Variants in SACS observed in about 807,000 individuals in gnomAD.
The protein encoded by SACS is sacsin molecular chaperone.
Under a neutral mutation model 348.0 loss-of-function variants are expected in SACS, and 197 were observed. That is an observed-to-expected ratio of 0.57 (90% CI 0.50 to 0.64). SACS has a LOEUF of 0.64. Among genes scored for constraint, SACS ranks in the 30% least tolerant of loss-of-function variants. The probability of loss-of-function intolerance (pLI) is 0.00; values close to 1 mark genes in which losing one functional copy is unlikely to be tolerated. For missense variants in SACS, 4,999 were observed against 5,360.8 expected (o/e 0.93, Z 2.11); for synonymous variants, 1,985 against 1,910.6 (o/e 1.04, Z -1.02).
rs1053106390 is a variant in SACS at position 23,378,978 on chromosome 13, G to A, written c.21-3709C>T. Among the ~76,000 whole-genome samples the A allele has an allele frequency of 2.0e-5, 3 of 152,160 alleles. No homozygotes were observed. The South Asian group carries it at 6.2e-4, about 32-fold the overall frequency. On this transcript the variant is annotated intron_variant, in intron 2 of 9. Coordinates refer to ENST00000382292, the MANE Select transcript of SACS (RefSeq NM_014363.6). ...AAAAAATGCCAAAATACACTCTGAT[G>A]CACTTGTTCCTTTTTTCTGTCTTCC...
rs1442864097 is a variant in SACS at position 23,340,185 on chromosome 13, C to T, written c.3691G>A (p.Val1231Ile). Reference protein sequence around the residue: ...LSAVLKHFKIVVDWYSSKTFS... With the variant: ...LSAVLKHFKIIVDWYSSKTFS... The stretch of plus-strand genomic sequence containing the variant: ...GTTTTTGAAGAATACCAATCAACAA[C>T]AATTTTAAAGTGTTTTAAGACAGCA... The change falls in exon 10 of 10, where the codon GTT (valine) becomes ATT (isoleucine). Residue 1231 changes from valine (V) to isoleucine (I), a missense_variant. By Grantham distance (29) the Val-to-Ile change is conservative (BLOSUM62 3). This residue lies in a region of SACS where 3,156 missense variants were observed against 3,380.1 expected (regional missense o/e 0.93). Transcript: ENST00000382292. 6 of 1,612,730 alleles carry T rather than the reference C, an allele frequency of 3.7e-6. 1 individual carries two copies.
chr13:23,354,833 G>A lies in SACS; in HGVS notation c.1779C>T (p.Tyr593=), dbSNP rs1870232312. 4 of 1,614,082 alleles carry A rather than the reference G, an allele frequency of 2.5e-6. No individual in the cohort carries two copies. Among genetic ancestry groups the A allele is most frequent in the Admixed American group, 1.7e-5 (1 of 60,014 alleles). ...CAATCTGCTTCCCTGAGCTCTGGAG[G>A]TAGTTGAGCACAGTTTTTGTGTATT... ...NLEYTKTVLN[Y]LQSSGKQIAK... is the part of the protein sequence containing the mutation. Residue 593 remains tyrosine, a synonymous_variant, in exon 8 of 10, where the codon TAC becomes TAT. Transcript: ENST00000382292.
At chr13:23,413,228 C>CT (rs1481420518) in intron 1 of SACS, among the ~76,000 whole-genome samples, 1 of 152,112 alleles carries the variant, frequency 6.6e-6, no homozygotes, top group African/African-American at 2.4e-5. Context: ...TGCGCCTGCC[C>CT]TAGCCTCCCA....
chr13:23,403,079 G>T (rs537675551), intron 2 of SACS, among the ~76,000 whole-genome samples: 7 of 152,112 alleles, frequency 4.6e-5, no homozygotes, highest in African/African-American at 1.7e-4. Context: ...TCGGGAGGCT[G>T]AGGCAGGAGA....
At position 23,336,899 on chromosome 13, in the gene SACS, G is replaced by C. The variant is rs1178057805; in HGVS notation, c.6977C>G (p.Ala2326Gly). ...TNACYKYLHE[A>G]LMQNEITKMS... ...CTTAGTGATTTCATTTTGCATCAAG[G>C]CTTCATGAAGGTATTTGTAGCAAGC... Residue 2326 changes from alanine (A) to glycine (G), a missense_variant, in exon 10 of 10, where the codon GCC (alanine) becomes GGC (glycine). By Grantham distance (60) the Ala-to-Gly change is moderately conservative. This residue lies in a region of SACS where 3,156 missense variants were observed against 3,380.1 expected (regional missense o/e 0.93). Transcript: ENST00000382292. The C allele has an allele frequency of 1.2e-6, 2 of 1,613,552 alleles. No individual in the cohort carries two copies. Among genetic ancestry groups the C allele is most frequent in the Non-Finnish European group, 1.7e-6 (2 of 1,179,592 alleles).
intron 9 of SACS, chr13:23,346,773 A>T (rs1213111242): frequency 4.3e-5 from 42 of 966,378 alleles, no homozygotes; most frequent in Non-Finnish European, 5.0e-5. Flanking sequence ...GAACAAAAAC[A>T]TCAGGCTTCA....
At chr13:23,395,065 G>A (rs982732909) in intron 2 of SACS, among the ~76,000 whole-genome samples, 1 of 152,176 alleles carries the variant, frequency 6.6e-6, no homozygotes, top group African/African-American at 2.4e-5. Context: ...GTAGAAGCTG[G>A]TTTAGAGGAG....
At chr13:23,388,343 A>AG (rs1242213874) in intron 2 of SACS, among the ~76,000 whole-genome samples, 1 of 149,908 alleles carries the variant, frequency 6.7e-6, no homozygotes, top group Non-Finnish European at 1.5e-5. Flanking sequence ...CAAAAAAAAA[A>AG]AAAAAAGAAA....
intron 1 of SACS, among the ~76,000 whole-genome samples, chr13:23,432,944 A>G (rs1304190653): frequency 2.6e-5 from 4 of 152,232 alleles, no homozygotes; most frequent in Admixed American, 2.6e-4. Context: ...GTTTTAAGGA[A>G]GAAAAAAAGA....
intron 2 of SACS, among the ~76,000 whole-genome samples, chr13:23,382,956 ATTTTT>A (rs67400239): frequency 1.1e-5 from 1 of 93,464 alleles, no homozygotes. Flanking sequence ...TGCCCAGCTA[ATTTTT>A]TTTTTTTTTT....
At chr13:23,377,132 G>A (rs1172885320) in intron 2 of SACS, among the ~76,000 whole-genome samples, 1 of 152,170 alleles carries the variant, frequency 6.6e-6, no homozygotes, top group Non-Finnish European at 1.5e-5. Flanking sequence ...GGGCTGTGGG[G>A]GGAGGGAACG....
intron 2 of SACS, among the ~76,000 whole-genome samples, chr13:23,389,319 T>C (rs1408086567): frequency 1.3e-5 from 2 of 152,182 alleles, no homozygotes; most frequent in South Asian, 4.1e-4. Flanking sequence ...CCAATACTTA[T>C]TAATGCAATT....
chr13:23,356,999 G>A (rs1037261563), intron 7 of SACS, among the ~76,000 whole-genome samples: 1 of 152,224 alleles, frequency 6.6e-6, no homozygotes, highest in Non-Finnish European at 1.5e-5. Flanking sequence ...GCACCCCCAT[G>A]AATGAAATCA....
intron 2 of SACS, among the ~76,000 whole-genome samples, chr13:23,402,178 GAA>G (rs34188080): frequency 3.1e-3 from 317 of 103,142 alleles, no homozygotes; most frequent in African/African-American, 0.011. Flanking sequence ...ACTCCATCTC[GAA>G]AAAAAAAAAA....
chr13:23,410,485 A>C (rs1225263932), intron 2 of SACS, among the ~76,000 whole-genome samples: 1 of 152,072 alleles, frequency 6.6e-6, no homozygotes, highest in East Asian at 2.0e-4. Flanking sequence ...TGGAAAGCCA[A>C]ATATCAAGAC....
In SACS at chr13:23,355,433, C is replaced by T; in HGVS notation, c.1179G>A (p.Leu393=). 1 of 1,614,126 alleles carries T rather than the reference C, an allele frequency of 6.2e-7. No individual in the cohort carries two copies. Among genetic ancestry groups the T allele is most frequent in the Non-Finnish European group, 8.5e-7 (1 of 1,180,018 alleles). Residue 393 remains leucine, a synonymous_variant, in exon 8 of 10, where the codon TTG becomes TTA. Transcript: ENST00000382292. ...CTCGCCCACCCACACTGTTACACAC[C>T]AACCAAGATGTTTTCTGTGCATCCT... ...STKDAQKTSW[L]VCNSVGGRGI...
rs181892243 is a variant in SACS, at chr13:23,407,929, T to C, written c.20+3291A>G. Among the ~76,000 whole-genome samples the C allele has an allele frequency of 2.0e-3, 302 of 152,222 alleles. 1 individual carries two copies. Among genetic ancestry groups the C allele is most frequent in the Non-Finnish European group, 1.6e-3 (110 of 68,016 alleles). ...GTCAGTTCAGCAAGAGTCCCTGACT[T>C]TTGACATTCCCCCTTAGTAATTTTC... is the stretch of plus-strand genomic sequence containing the variant. On this transcript the variant is annotated intron_variant, in intron 2 of 9. Coordinates refer to ENST00000382292, the MANE Select transcript of SACS (RefSeq NM_014363.6).
chr13:23,372,469 T>A (rs1313308044), intron 3 of SACS, among the ~76,000 whole-genome samples: 1 of 152,218 alleles, frequency 6.6e-6, no homozygotes, highest in Non-Finnish European at 1.5e-5. Flanking sequence ...AGCTGCCTAC[T>A]GAACATCACT....
intron 2 of SACS, among the ~76,000 whole-genome samples, chr13:23,379,106 C>G (rs1469131107): frequency 6.6e-6 from 1 of 152,102 alleles, no homozygotes; most frequent in African/African-American, 2.4e-5. Flanking sequence ...TACCAGGCTC[C>G]CTGGTAGTGA....
Sources: allele counts gnomAD v4.1 joint callset (sites outside exome capture counted in the v4.1 genomes callset), GRCh38; gene constraint gnomAD v4.1.1; regional missense constraint gnomAD v4.1.1; transcripts MANE v1.5; gene names NCBI Gene and HGNC (gene_info 2026-07-23, HGNC 2026-07-21).